The following HDAC9 variants were observed in gnomAD, a reference collection of about 807,000 sequenced individuals.
HDAC9 encodes the protein MEF-2 interacting transcription repressor (MITR) protein.
Under a neutral mutation model 139.4 loss-of-function variants are expected in HDAC9, and 41 were observed. That is an observed-to-expected ratio of 0.29 (90% CI 0.23 to 0.38). HDAC9 has a LOEUF of 0.38. Among genes scored for constraint, HDAC9 ranks in the 10% least tolerant of loss-of-function variants. The pLI is 1.00. For missense variants in HDAC9, 1,147 were observed against 1,297.0 expected (o/e 0.88, Z 1.78); for synonymous variants, 517 against 476.2 (o/e 1.09, Z -1.12).
intron 2 of HDAC9, among the ~76,000 whole-genome samples, chr7:18,225,138 A>G (rs540322460): frequency 6.6e-6 from 1 of 152,184 alleles, no homozygotes; most frequent in Admixed American, 6.5e-5. Flanking sequence ...AGATTTCTTC[A>G]TAGAACATTA....
chr7:18,290,643 G>T, intron 1 of HDAC9: 1 of 406,852 alleles, frequency 2.5e-6, no homozygotes. Context: ...TTGTCATGCG[G>T]AGGGAAGCAA....
At chr7:18,575,123 A>C (rs1825617808) in intron 2 of HDAC9, among the ~76,000 whole-genome samples, 1 of 152,250 alleles carries the variant, frequency 6.6e-6, no homozygotes, top group South Asian at 2.1e-4. Context: ...GGTGATAGCA[A>C]ATTCAAACTT....
intron 22 of HDAC9, among the ~76,000 whole-genome samples, chr7:18,922,629 T>C (rs1168442318): frequency 6.6e-6 from 1 of 152,058 alleles, no homozygotes; most frequent in Non-Finnish European, 1.5e-5. Context: ...AAACTCCACT[T>C]TAAGAAATAT....
intron 21 of HDAC9, among the ~76,000 whole-genome samples, chr7:18,837,539 A>G (rs770402865): frequency 6.6e-6 from 1 of 152,076 alleles, no homozygotes; most frequent in Non-Finnish European, 1.5e-5. Flanking sequence ...ATTCATGTTA[A>G]ATACACATTA....
At chr7:18,589,808 G>C (rs1001660401) in intron 3 of HDAC9, among the ~76,000 whole-genome samples, 1 of 152,120 alleles carries the variant, frequency 6.6e-6, no homozygotes, top group Non-Finnish European at 1.5e-5. Context: ...TTAGTCTATT[G>C]AGAACTTGCT....
chr7:18,405,466 G>A (rs1371495063), intron 1 of HDAC9, among the ~76,000 whole-genome samples: 1 of 152,052 alleles, frequency 6.6e-6, no homozygotes, highest in Non-Finnish European at 1.5e-5. Flanking sequence ...ATACAGCACA[G>A]CCAGTATAGA....
chr7:18,852,127 C>T (rs999609794), intron 21 of HDAC9, among the ~76,000 whole-genome samples: 1 of 152,260 alleles, frequency 6.6e-6, no homozygotes, highest in African/African-American at 2.4e-5. Flanking sequence ...CTTTCATGTG[C>T]GTAAAGCTGC....
intron 1 of HDAC9, among the ~76,000 whole-genome samples, chr7:18,154,366 G>A (rs1787015920): frequency 6.6e-6 from 1 of 152,194 alleles, no homozygotes; most frequent in Non-Finnish European, 1.5e-5. Flanking sequence ...CCCTAGTGGA[G>A]TGAGAAAGAT....
chr7:18,824,940 C>G (rs780462159), intron 17 of HDAC9, among the ~76,000 whole-genome samples: 1 of 152,144 alleles, frequency 6.6e-6, no homozygotes, highest in Non-Finnish European at 1.5e-5. Context: ...AGGAATTTGT[C>G]ATGAAATAAA....
At chr7:18,381,055 C>T (rs185881581) in intron 1 of HDAC9, among the ~76,000 whole-genome samples, 117 of 151,168 alleles carry the variant, frequency 7.7e-4, no homozygotes, top group African/African-American at 2.6e-3. Flanking sequence ...AAAATTAGTC[C>T]GGTGTGGTGG....
intron 1 of HDAC9, among the ~76,000 whole-genome samples, chr7:18,143,880 A>G (rs1271882384): frequency 2.0e-5 from 3 of 152,078 alleles, no homozygotes; most frequent in Admixed American, 6.6e-5. Flanking sequence ...TAGTGTAGGC[A>G]TTATACAAAA....
intron 1 of HDAC9, among the ~76,000 whole-genome samples, chr7:18,385,662 C>A (rs186559855): frequency 1.2e-4 from 18 of 152,222 alleles, no homozygotes; most frequent in Middle Eastern, 6.8e-3. Context: ...TGGAACTATT[C>A]GCTAATAGCC....
intron 2 of HDAC9, among the ~76,000 whole-genome samples, chr7:18,506,288 C>T (rs1799747064): frequency 6.6e-6 from 1 of 152,118 alleles, no homozygotes; most frequent in African/African-American, 2.4e-5. Context: ...GGCAAAGAGG[C>T]GGCCTTGATG....
intron 17 of HDAC9, among the ~76,000 whole-genome samples, chr7:18,805,538 C>T (rs777091574): frequency 6.6e-5 from 10 of 152,164 alleles, no homozygotes; most frequent in Admixed American, 6.5e-5. Context: ...GTGGACACTG[C>T]GCAGAAGCCA....
At chr7:18,854,397 A>C (rs1397797192) in intron 21 of HDAC9, among the ~76,000 whole-genome samples, 1 of 152,178 alleles carries the variant, frequency 6.6e-6, no homozygotes, top group Non-Finnish European at 1.5e-5. Context: ...TATTATGTAA[A>C]TTATATTCTT....
chr7:18,392,424 G>T (rs1786614794), intron 1 of HDAC9, among the ~76,000 whole-genome samples: 1 of 151,600 alleles, frequency 6.6e-6, no homozygotes, highest in African/African-American at 2.4e-5. Flanking sequence ...TAGATAGATA[G>T]ATAGATAGAT....
intron 2 of HDAC9, among the ~76,000 whole-genome samples, chr7:18,186,871 CTT>C (rs1789956029): frequency 6.6e-6 from 1 of 152,150 alleles, no homozygotes; most frequent in Non-Finnish European, 1.5e-5. Flanking sequence ...AATTGGAAGT[CTT>C]TATCTCTTTA....
intron 21 of HDAC9, among the ~76,000 whole-genome samples, chr7:18,852,188 G>A (rs1562989677): frequency 1.3e-5 from 2 of 152,304 alleles, no homozygotes; most frequent in East Asian, 1.9e-4. Context: ...TAGTTGCTGT[G>A]GAGAAAAATG....
intron 2 of HDAC9, among the ~76,000 whole-genome samples, chr7:18,273,824 AT>A (rs1425704083): frequency 6.6e-6 from 1 of 152,206 alleles, no homozygotes; most frequent in Non-Finnish European, 1.5e-5. Flanking sequence ...TGAAACCCAA[AT>A]GTCTACTAAG....
Sources: gnomAD v4.1 joint callset for allele counts (sites outside exome capture counted in the v4.1 genomes callset) on GRCh38, gnomAD v4.1.1 for gene constraint, MANE v1.5 for transcripts, NCBI Gene and HGNC (gene_info 2026-07-23, HGNC 2026-07-21) for gene names.